TTC7B: variants seen among roughly 807,000 people sequenced by gnomAD.
TTC7B encodes tetratricopeptide repeat domain 7B, also known as tetratricopeptide repeat protein 7B.
Under a neutral mutation model 106.8 loss-of-function variants are expected in TTC7B, and 28 were observed. That is an observed-to-expected ratio of 0.26 (90% CI 0.19 to 0.36). The LOEUF (loss-of-function observed/expected upper bound fraction) is 0.36. Ranked by LOEUF, TTC7B falls within the 10% of genes least tolerant of loss-of-function variation. TTC7B has a pLI of 1.00. For synonymous variants in TTC7B, 405 were observed against 430.6 expected, an observed-to-expected ratio of 0.94 and a Z score of 0.74; for missense variants, 862 against 1,076.4, an observed-to-expected ratio of 0.80 and a Z score of 2.79.
chr14:90,602,688 C>T (rs894581553), intron 17 of TTC7B, among the ~76,000 whole-genome samples: 3 of 150,296 alleles, frequency 2.0e-5, no homozygotes, highest in Non-Finnish European at 3.0e-5. Flanking sequence ...TCTACTAAGA[C>T]CTTGTCTCAA....
intron 7 of TTC7B, among the ~76,000 whole-genome samples, chr14:90,681,704 C>T (rs1208677121): frequency 1.3e-5 from 2 of 152,124 alleles, no homozygotes; most frequent in Non-Finnish European, 2.9e-5. Flanking sequence ...AAAAGGCTGG[C>T]CTGAGAATGA....
intron 17 of TTC7B, among the ~76,000 whole-genome samples, chr14:90,601,813 G>C (rs1892436176): frequency 1.3e-5 from 2 of 152,164 alleles, no homozygotes. Context: ...AGGATCCATG[G>C]CTGCCAAATC....
chr14:90,607,964 G>A (rs1339092536), intron 17 of TTC7B, among the ~76,000 whole-genome samples: 1 of 152,216 alleles, frequency 6.6e-6, no homozygotes, highest in Admixed American at 6.5e-5. Flanking sequence ...GGGCAGGGGT[G>A]GAAGCCAAAC....
chr14:90,686,338 G>A (rs927588582), intron 7 of TTC7B, among the ~76,000 whole-genome samples: 12 of 152,126 alleles, frequency 7.9e-5, no homozygotes, highest in Admixed American at 7.2e-4. Flanking sequence ...ACCTGATGAA[G>A]GGCATCTATA....
At chr14:90,620,992 A>G (rs1356508151) in intron 15 of TTC7B, among the ~76,000 whole-genome samples, 1 of 152,228 alleles carries the variant, frequency 6.6e-6, no homozygotes, top group African/African-American at 2.4e-5. Flanking sequence ...GAGGAACAGC[A>G]TGAGAGAGGC....
intron 3 of TTC7B, among the ~76,000 whole-genome samples, chr14:90,753,679 A>G (rs1169105223): frequency 1.3e-5 from 2 of 152,222 alleles, no homozygotes; most frequent in East Asian, 1.9e-4. Flanking sequence ...CAGAGCATCT[A>G]TGATTTAGGA....
intron 19 of TTC7B, among the ~76,000 whole-genome samples, chr14:90,545,574 T>C (rs1889793852): frequency 6.6e-6 from 1 of 152,172 alleles, no homozygotes; most frequent in South Asian, 2.1e-4. Flanking sequence ...AGAAAGTGGA[T>C]GGGTGAGATG....
chr14:90,737,881 C>T lies in TTC7B; in HGVS notation c.576+6911G>A, dbSNP rs141924486. The stretch of plus-strand genomic sequence containing the variant: ...GTATGATTCTATTTCTATGAAATGT[C>T]CAGAATATGCAAATCTACAGAGACA... On this transcript the variant is annotated intron_variant, in intron 4 of 19. Coordinates refer to ENST00000328459, the MANE Select transcript of TTC7B (RefSeq NM_001010854.2). Among the ~76,000 whole-genome samples, 347 of 152,130 alleles carry T rather than the reference C, an allele frequency of 2.3e-3. 6 individuals carry two copies. Among genetic ancestry groups the T allele is most frequent in the African/African-American group, 8.1e-3 (338 of 41,500 alleles).
chr14:90,618,109 A>G, intron 15 of TTC7B, 64 bp from the exon 16 acceptor site: 1 of 1,239,084 alleles, frequency 8.1e-7, no homozygotes, highest in South Asian at 1.2e-5. Flanking sequence ...CATCCCAGCA[A>G]GACAAGTGGT....
At chr14:90,655,510 C>G (rs192896234) in intron 11 of TTC7B, among the ~76,000 whole-genome samples, 36 of 152,320 alleles carry the variant, frequency 2.4e-4, no homozygotes, top group African/African-American at 7.7e-4. Context: ...TCTTTCCCCC[C>G]CTACCCAGGA....
intron 5 of TTC7B, among the ~76,000 whole-genome samples, chr14:90,725,294 C>A (rs1220800221): frequency 6.6e-6 from 1 of 152,164 alleles, no homozygotes; most frequent in Non-Finnish European, 1.5e-5. Flanking sequence ...CGGGCGCCCT[C>A]ACCATGATCA....
chr14:90,611,727 C>A (rs937529125), intron 16 of TTC7B, among the ~76,000 whole-genome samples: 6 of 152,168 alleles, frequency 3.9e-5, no homozygotes, highest in African/African-American at 1.4e-4. Flanking sequence ...TAAAGCCACA[C>A]GGAAACCACA....
chr14:90,550,313 C>A (rs1033536766), intron 19 of TTC7B, among the ~76,000 whole-genome samples: 24 of 152,320 alleles, frequency 1.6e-4, no homozygotes, highest in African/African-American at 2.2e-4. Flanking sequence ...TAGGACCGAA[C>A]TGTAATGCAC....
At chr14:90,598,541 G>C (rs916738798) in intron 17 of TTC7B, among the ~76,000 whole-genome samples, 4 of 152,154 alleles carry the variant, frequency 2.6e-5, no homozygotes, top group Admixed American at 1.3e-4. Flanking sequence ...AAGAGGACCA[G>C]GAACCAAGAG....
intron 19 of TTC7B, among the ~76,000 whole-genome samples, chr14:90,555,785 G>A (rs1027689042): frequency 1.1e-4 from 17 of 152,248 alleles, no homozygotes; most frequent in African/African-American, 4.1e-4. Context: ...GAGAGACCAA[G>A]GGAGGCATCT....
At chr14:90,795,014 T>A (rs1685549881) in intron 1 of TTC7B, among the ~76,000 whole-genome samples, 2 of 152,170 alleles carry the variant, frequency 1.3e-5, no homozygotes, top group South Asian at 4.1e-4. Context: ...AACCAGCATT[T>A]ATTACCTAAT....
intron 17 of TTC7B, among the ~76,000 whole-genome samples, chr14:90,610,520 T>C (rs1892826924): frequency 1.3e-5 from 2 of 152,188 alleles, no homozygotes; most frequent in Admixed American, 1.3e-4. Context: ...GGGAAATAGA[T>C]TTCAAAGAAA....
intron 18 of TTC7B, among the ~76,000 whole-genome samples, chr14:90,589,299 T>A (rs546902879): frequency 1.3e-5 from 2 of 152,294 alleles, no homozygotes; most frequent in South Asian, 4.1e-4. Context: ...GGGGAATTGG[T>A]TCTGGGACCT....
Position 90,539,400 on chromosome 14 carries a change from A to T in TTC7B, c.*1968T>A, listed in dbSNP as rs1258289833. 1 of 152,512 alleles carries T rather than the reference A, an allele frequency of 6.6e-6. No individual in the cohort carries two copies. Among genetic ancestry groups the T allele is most frequent in the African/African-American group, 2.4e-5 (1 of 41,476 alleles). 9.4% of individuals were successfully genotyped at this position (152,512 alleles called of 1,614,324 possible). A position where few individuals can be genotyped will look rare whatever the true frequency, so the allele number is the denominator to read the frequency against. Reference sequence around the variant, plus strand: ...GCCCCACGCTCCCGCATGGGATGGCAGAGCCCAGCCCTGTGCCTCCAATCA... The same window carrying T: ...GCCCCACGCTCCCGCATGGGATGGCTGAGCCCAGCCCTGTGCCTCCAATCA... On this transcript the variant is annotated 3_prime_UTR_variant, in exon 20 of 20. Transcript: ENST00000328459.
Sources: allele counts gnomAD v4.1 joint callset (sites outside exome capture counted in the v4.1 genomes callset), GRCh38; gene constraint gnomAD v4.1.1; transcripts MANE v1.5; gene names NCBI Gene and HGNC (gene_info 2026-07-23, HGNC 2026-07-21).